Variants in AEN observed in about 807,000 individuals in gnomAD.
The protein encoded by AEN is apoptosis-enhancing nuclease.
In AEN, 21 loss-of-function variants were observed where a neutral mutation model predicts 17.7. That is an observed-to-expected ratio of 1.19 (90% CI 0.84 to 1.71). The LOEUF is 1.71. AEN is among the 40% of genes most tolerant of loss of function. The pLI is 0.00. For missense variants in AEN, 462 were observed against 435.9 expected (o/e 1.06, Z -0.53); for synonymous variants, 190 against 173.0 (o/e 1.10, Z -0.77).
At chr15:88,625,551 A>G (rs1436038279) in intron 1 of AEN, among the ~76,000 whole-genome samples, 3 of 152,216 alleles carry the variant, frequency 2.0e-5, no homozygotes, top group African/African-American at 7.2e-5. Context: ...TGGTTATCAT[A>G]TTACAAAAAA....
the AEN span, chr15:88,608,275 A>G: frequency 2.4e-6 from 1 of 412,802 alleles, no homozygotes; most frequent in Admixed American, 2.5e-5. Context: ...AGAGTCCTGG[A>G]CTCAGGATCT....
At chr15:88,626,833 C>A (rs1232416677) in intron 2 of AEN, 84 bp downstream of exon 2, 44 of 1,467,624 alleles carry the variant, frequency 3.0e-5, no homozygotes, top group Non-Finnish European at 3.9e-5. Flanking sequence ...CTTTGCTTCA[C>A]TGGGGGCAAG....
chr15:88,626,976 G>A, intron 2 of AEN: 1 of 564,088 alleles, frequency 1.8e-6, no homozygotes, highest in South Asian at 2.3e-5. Context: ...AATGTAGAAA[G>A]GCTACACCAA....
the AEN span, among the ~76,000 whole-genome samples, chr15:88,610,307 A>ATTT: frequency 0.021 from 2,842 of 136,208 alleles, 69 homozygotes; most frequent in East Asian, 0.049. Context: ...GCACGGGGCT[A>ATTT]TTTTTTTTTT....
the AEN span, among the ~76,000 whole-genome samples, chr15:88,605,596 A>G: frequency 2.0e-5 from 3 of 151,928 alleles, no homozygotes; most frequent in East Asian, 5.8e-4. The surrounding 1 kb of genome is among the most constrained non-coding windows in gnomAD (Gnocchi z 7.6). Context: ...GCAGCAAATA[A>G]CTCCAGGGAG....
chr15:88,611,433 TAAAAAAAAAAAAAA>T, the AEN span, among the ~76,000 whole-genome samples: 7 of 94,026 alleles, frequency 7.4e-5, no homozygotes, highest in Middle Eastern at 5.7e-3. Context: ...TTGTCTTTAC[TAAAAAAAAAAAAAA>T]AAAAAAAAAA....
chr15:88,608,719 C>A, the AEN span, among the ~76,000 whole-genome samples: 1 of 152,198 alleles, frequency 6.6e-6, no homozygotes, highest in African/African-American at 2.4e-5. Flanking sequence ...CACTTTCATT[C>A]TTCAGAGCTG....
rs773826202 is a variant in AEN at position 88,630,732 on chromosome 15, C to T, written c.*438C>T. ...GTGTCAATATCCTGGAGCTCCCTTA[C>T]CCCAACTCAATGACTTGGGGGTAAA... On this transcript the variant is annotated 3_prime_UTR_variant, in exon 4 of 4. Transcript: ENST00000332810. The surrounding 1 kb of genome is among the most constrained non-coding windows in gnomAD (Gnocchi z 5.1). The T allele has an allele frequency of 1.1e-4, 25 of 223,070 alleles. No homozygotes were observed. In the Middle Eastern group the frequency reaches 7.2e-3, roughly 64 times the overall value. 13.8% of individuals were successfully genotyped at this position (223,070 alleles called of 1,614,324 possible).
the AEN span, among the ~76,000 whole-genome samples, chr15:88,605,272 C>A: frequency 6.6e-6 from 1 of 152,170 alleles, no homozygotes; most frequent in African/African-American, 2.4e-5. This position sits in a 1 kb window ranked among gnomAD's most constrained non-coding sequence, Gnocchi z 7.6. Flanking sequence ...GGTCCCGCGC[C>A]CAGTAGGAGA....
upstream of AEN, among the ~76,000 whole-genome samples, chr15:88,617,511 C>T (rs2057747965): frequency 6.6e-6 from 1 of 152,202 alleles, no homozygotes; most frequent in South Asian, 2.1e-4. Context: ...CCTTGGCCTC[C>T]CAAAGTGTTG....
intron 1 of AEN, among the ~76,000 whole-genome samples, chr15:88,623,488 G>T (rs1215870114): frequency 6.6e-6 from 1 of 152,136 alleles, no homozygotes; most frequent in Non-Finnish European, 1.5e-5. Context: ...TTCTGAAGAG[G>T]ACCTGCCACA....
At chr15:88,616,390 C>T (rs868406972), upstream of AEN, among the ~76,000 whole-genome samples, 2 of 152,254 alleles carry the variant, frequency 1.3e-5, no homozygotes, top group Middle Eastern at 6.8e-3. Context: ...CCGCACCTGG[C>T]CTAGGAGGGA....
At chr15:88,613,021 C>T in the AEN span, among the ~76,000 whole-genome samples, 1 of 152,188 alleles carries the variant, frequency 6.6e-6, no homozygotes, top group Non-Finnish European at 1.5e-5. Flanking sequence ...TCCAAATGCC[C>T]TCCCTATTCC....
intron 1 of AEN, among the ~76,000 whole-genome samples, chr15:88,623,767 C>T (rs61302831): frequency 6.6e-6 from 1 of 152,220 alleles, no homozygotes; most frequent in Non-Finnish European, 1.5e-5. Flanking sequence ...GAGACCAATT[C>T]AGGGGACACC....
upstream of AEN, among the ~76,000 whole-genome samples, chr15:88,617,707 G>A (rs574183191): frequency 6.6e-6 from 1 of 151,894 alleles, no homozygotes; most frequent in South Asian, 2.1e-4. Context: ...TGCAATGACT[G>A]AGATAAAACT....
rs564368381 is a variant in AEN, at chr15:88,624,596, G to A, written c.-64-1550G>A. On this transcript the variant is annotated intron_variant, in intron 1 of 3. Coordinates refer to ENST00000332810, the MANE Select transcript of AEN (RefSeq NM_022767.4). The stretch of plus-strand genomic sequence containing the variant: ...CAGTTTAGGTCATTTACAAAGAGCT[G>A]AGTTAGGCCGAATATGGTGGCCCAC... 2.0e-5 allele frequency among the ~76,000 whole-genome samples: 3 copies of A among 152,276 alleles called. No homozygotes were observed. In the South Asian group the frequency reaches 6.2e-4, roughly 32 times the overall value.
the AEN span, among the ~76,000 whole-genome samples, chr15:88,608,819 G>A: frequency 6.6e-6 from 1 of 152,206 alleles, no homozygotes. Context: ...CTGACTCATC[G>A]CTTCCCAGGA....
chr15:88,630,933 C>T lies in AEN; in HGVS notation c.*639C>T, dbSNP rs1161023350. ...CCGTGCCTGGCCTGTCAGCTCCCTG[C>T]TAGGCTACAGTGGAATAGCAGAGCC... On this transcript the variant is annotated 3_prime_UTR_variant, in exon 4 of 4. Transcript: ENST00000332810. The surrounding 1 kb of genome is among the most constrained non-coding windows in gnomAD (Gnocchi z 5.1). 1 of 327,788 alleles carries T rather than the reference C, an allele frequency of 3.1e-6. No homozygotes were observed. Among genetic ancestry groups the T allele is most frequent in the African/African-American group, 2.2e-5 (1 of 46,490 alleles). The allele number at this position is 327,788 out of a possible 1,614,324, so 20.3% of individuals were successfully genotyped here. A position where few individuals can be genotyped will look rare whatever the true frequency, so the allele number is the denominator to read the frequency against.
At chr15:88,606,093 G>A in the AEN span, among the ~76,000 whole-genome samples, 1 of 152,228 alleles carries the variant, frequency 6.6e-6, no homozygotes, top group Non-Finnish European at 1.5e-5. Flanking sequence ...GGGGAGCAGA[G>A]GCACGATTGC....
Sources: allele counts gnomAD v4.1 joint callset (sites outside exome capture counted in the v4.1 genomes callset), GRCh38; gene constraint gnomAD v4.1.1; non-coding constraint Gnocchi (gnomAD v3.1); transcripts MANE v1.5; gene names NCBI Gene and HGNC (gene_info 2026-07-23, HGNC 2026-07-21).